CNTN5: variants seen among roughly 807,000 people sequenced by gnomAD.
The protein encoded by CNTN5 is contactin-5.
Under a neutral mutation model 129.1 loss-of-function variants are expected in CNTN5, and 77 were observed. That is an observed-to-expected ratio of 0.60 (90% CI 0.50 to 0.72). CNTN5 has a LOEUF of 0.72. CNTN5 is among the 30% of genes least tolerant of loss of function. The probability of loss-of-function intolerance (pLI) is 0.00; values close to 1 mark genes in which losing one functional copy is unlikely to be tolerated. For synonymous variants in CNTN5, 509 were observed against 465.6 expected, an observed-to-expected ratio of 1.09 and a Z score of -1.20; for missense variants, 1,478 against 1,328.8, an observed-to-expected ratio of 1.11 and a Z score of -1.75.
intron 18 of CNTN5, 100 bp from the exon 19 acceptor site, chr11:100,297,525 C>A (rs1009858236): frequency 1.7e-5 from 14 of 825,946 alleles, no homozygotes; most frequent in Middle Eastern, 2.2e-4. Context: ...TTTAATATGA[C>A]CATTCTGACT....
chr11:99,678,427 C>A (rs757534914), intron 3 of CNTN5, among the ~76,000 whole-genome samples: 1 of 152,062 alleles, frequency 6.6e-6, no homozygotes, highest in Non-Finnish European at 1.5e-5. Flanking sequence ...ATGATGGACA[C>A]ATGAATCTAA....
intron 6 of CNTN5, among the ~76,000 whole-genome samples, chr11:99,864,496 C>G (rs1045811519): frequency 6.6e-6 from 1 of 152,190 alleles, no homozygotes; most frequent in African/African-American, 2.4e-5. Flanking sequence ...CTTGGACTTG[C>G]TATAGCACTG....
At chr11:99,937,285 G>A (rs1166458594) in intron 7 of CNTN5, among the ~76,000 whole-genome samples, 2 of 152,188 alleles carry the variant, frequency 1.3e-5, no homozygotes, top group Non-Finnish European at 2.9e-5. Context: ...AGATCTCTCT[G>A]CAAAGCTGGT....
chr11:99,348,406 C>G (rs1478523896), intron 2 of CNTN5, among the ~76,000 whole-genome samples: 1 of 152,136 alleles, frequency 6.6e-6, no homozygotes, highest in Non-Finnish European at 1.5e-5. Context: ...ACTTTAAGGC[C>G]TAGAACATAT....
chr11:99,524,701 G>C (rs1947418179), intron 2 of CNTN5, among the ~76,000 whole-genome samples: 1 of 151,766 alleles, frequency 6.6e-6, no homozygotes, highest in Admixed American at 6.6e-5. Flanking sequence ...TACTCGAGAG[G>C]CTTAGGAACA....
intron 1 of CNTN5, among the ~76,000 whole-genome samples, chr11:99,151,166 T>G (rs1352958352): frequency 6.6e-6 from 1 of 152,150 alleles, no homozygotes; most frequent in African/African-American, 2.4e-5. Context: ...TTTAGTTGAA[T>G]GTTTTATGAA....
At chr11:99,908,095 C>G (rs1219552982) in intron 6 of CNTN5, among the ~76,000 whole-genome samples, 1 of 151,964 alleles carries the variant, frequency 6.6e-6, no homozygotes, top group Non-Finnish European at 1.5e-5. Flanking sequence ...TTGCTTCAGG[C>G]TAAATCTGGC....
intron 3 of CNTN5, among the ~76,000 whole-genome samples, chr11:99,583,653 C>T (rs912167687): frequency 1.3e-5 from 2 of 152,184 alleles, no homozygotes; most frequent in African/African-American, 2.4e-5. Flanking sequence ...CCTGGTGTGC[C>T]GTTTGTTAAG....
chr11:100,176,632 G>A (rs1050739304), intron 13 of CNTN5, among the ~76,000 whole-genome samples: 10 of 152,010 alleles, frequency 6.6e-5, no homozygotes, highest in African/African-American at 2.4e-4. Flanking sequence ...AAATAGTTAG[G>A]AATCTGACCA....
At chr11:99,956,292 T>A (rs1950800494) in intron 7 of CNTN5, among the ~76,000 whole-genome samples, 1 of 152,178 alleles carries the variant, frequency 6.6e-6, no homozygotes, top group Non-Finnish European at 1.5e-5. Flanking sequence ...AATTTAGAAG[T>A]TAAACTAAGT....
intron 18 of CNTN5, among the ~76,000 whole-genome samples, chr11:100,283,979 A>G (rs762950999): frequency 3.3e-5 from 5 of 152,112 alleles, no homozygotes; most frequent in Non-Finnish European, 5.9e-5. Context: ...ATAAATAAAT[A>G]AATTCCCTCT....
intron 1 of CNTN5, among the ~76,000 whole-genome samples, chr11:99,294,373 A>C (rs562356865): frequency 1.1e-3 from 169 of 152,312 alleles, no homozygotes; most frequent in African/African-American, 4.0e-3. Context: ...ATGTGCCAGC[A>C]GCAAACAATT....
chr11:99,836,497 A>G (rs979162315), intron 4 of CNTN5, among the ~76,000 whole-genome samples: 19 of 152,106 alleles, frequency 1.2e-4, no homozygotes, highest in Non-Finnish European at 2.5e-4. Context: ...GCTGCACAGT[A>G]TTCCATGGTG....
At chr11:99,410,251 G>T (rs1038796580) in intron 2 of CNTN5, among the ~76,000 whole-genome samples, 2 of 152,142 alleles carry the variant, frequency 1.3e-5, no homozygotes, top group Non-Finnish European at 2.9e-5. Context: ...CAATACACAA[G>T]CTATGCAGCC....
chr11:100,037,387 T>C (rs1445165928), intron 9 of CNTN5, among the ~76,000 whole-genome samples: 1 of 152,042 alleles, frequency 6.6e-6, no homozygotes, highest in Non-Finnish European at 1.5e-5. Context: ...TTATTGAGGA[T>C]TTTTGCATCA....
At chr11:100,246,753 C>T (rs1370883063) in intron 16 of CNTN5, among the ~76,000 whole-genome samples, 1 of 152,134 alleles carries the variant, frequency 6.6e-6, no homozygotes, top group African/African-American at 2.4e-5. Flanking sequence ...AGATGTATTA[C>T]TTTTTCTCAG....
At chr11:99,745,473 CA>C (rs1398059755) in intron 3 of CNTN5, among the ~76,000 whole-genome samples, 1 of 152,076 alleles carries the variant, frequency 6.6e-6, no homozygotes, top group Non-Finnish European at 1.5e-5. Flanking sequence ...GTAGTACTAC[CA>C]TGCTCAGCTA....
At chr11:99,443,105 G>GA (rs1362035003) in intron 2 of CNTN5, among the ~76,000 whole-genome samples, 2 of 151,918 alleles carry the variant, frequency 1.3e-5, no homozygotes, top group Non-Finnish European at 2.9e-5. Flanking sequence ...CTTTGAAAAT[G>GA]AAAAAAATAA....
rs145893600 is a variant in CNTN5, at chr11:100,302,614, A to C, written c.2620+3218A>C. Among the ~76,000 whole-genome samples the C allele has an allele frequency of 4.0e-3, 605 of 151,574 alleles. 6 individuals carry two copies. Among genetic ancestry groups the C allele is most frequent in the African/African-American group, 0.014 (588 of 41,434 alleles). Reference sequence around the variant, plus strand: ...AGCCACCTTTTCACAGCCGACACCAAGCTGGGAAGAAAAATGTCAAATGCA... The same window carrying C: ...AGCCACCTTTTCACAGCCGACACCACGCTGGGAAGAAAAATGTCAAATGCA... On this transcript the variant is annotated intron_variant, in intron 20 of 24. Coordinates refer to ENST00000524871, the MANE Select transcript of CNTN5 (RefSeq NM_014361.4).
Sources: gnomAD v4.1 joint callset for allele counts (sites outside exome capture counted in the v4.1 genomes callset) on GRCh38, gnomAD v4.1.1 for gene constraint, MANE v1.5 for transcripts, NCBI Gene and HGNC (gene_info 2026-07-23, HGNC 2026-07-21) for gene names.